Variants in VSTM1 observed in about 807,000 individuals in gnomAD.
VSTM1 encodes the protein V-set and transmembrane domain-containing protein 1.
Under a neutral mutation model 33.1 loss-of-function variants are expected in VSTM1, and 27 were observed. That is an observed-to-expected ratio of 0.82 (90% CI 0.60 to 1.12). The LOEUF is 1.12. Among genes scored for constraint, VSTM1 ranks in the 50% most tolerant of loss-of-function variants. VSTM1 has a pLI of 0.00. For synonymous variants in VSTM1, 115 were observed against 110.3 expected (o/e 1.04, Z -0.27); for missense variants, 304 against 288.9 (o/e 1.05, Z -0.38).
intron 4 of VSTM1, among the ~76,000 whole-genome samples, chr19:54,050,141 G>A (rs1041903243): frequency 2.0e-4 from 30 of 151,688 alleles, no homozygotes; most frequent in African/African-American, 6.8e-4. Context: ...TGGGAATACA[G>A]GCGCCCACCA....
chr19:54,052,301 G>T (rs1299904388), intron 3 of VSTM1, among the ~76,000 whole-genome samples: 8,154 of 116,654 alleles, frequency 0.07, 556 homozygotes, highest in Non-Finnish European at 0.079. Context: ...GGGAGGCTGA[G>T]GCAGGAGAAT....
At chr19:54,041,741 A>G (rs1369925891) in intron 8 of VSTM1, 38 bp downstream of exon 8, 2 of 1,606,384 alleles carry the variant, frequency 1.2e-6, no homozygotes, top group East Asian at 4.5e-5. Flanking sequence ...CATTGTGGTG[A>G]GGGAGCTCTT....
chr19:54,058,059 C>T (rs1395720167), intron 3 of VSTM1, among the ~76,000 whole-genome samples: 5 of 151,558 alleles, frequency 3.3e-5, no homozygotes, highest in South Asian at 2.1e-4. Flanking sequence ...GCTAACATGG[C>T]GAAACCCCAT....
In VSTM1 at chr19:54,040,838, C is replaced by A; in HGVS notation, c.*123G>T. 1 of 1,328,254 alleles carries A rather than the reference C, an allele frequency of 7.5e-7. No individual in the cohort carries two copies. 82.3% of individuals were successfully genotyped at this position (1,328,254 alleles called of 1,614,324 possible). On this transcript the variant is annotated 3_prime_UTR_variant, in exon 9 of 9. Transcript: ENST00000338372. ...AAATAAGTCAGATTTCTTTTTAAGACGAGAAACTTAATTTTATTGATATGG... is the reference window on the plus strand; with the variant it reads ...AAATAAGTCAGATTTCTTTTTAAGAAGAGAAACTTAATTTTATTGATATGG...
Position 54,041,772 on chromosome 19 carries a change from G to A in VSTM1, c.591+7C>T. ...CTCTTGTGGGACTCCTAAGCGGGAG[G>A]ACTCACCGAGAGAGATACCCTTTCC... is the stretch of plus-strand genomic sequence containing the variant. On this transcript the variant is annotated splice_region_variant and intron_variant, in intron 8 of 8. Transcript: ENST00000338372. 2 of 1,612,524 alleles carry A rather than the reference G, an allele frequency of 1.2e-6. No homozygotes were observed. Among genetic ancestry groups the A allele is most frequent in the Non-Finnish European group, 1.7e-6 (2 of 1,179,596 alleles).
chr19:54,043,612 A>G (rs1440328707), intron 4 of VSTM1, among the ~76,000 whole-genome samples: 2 of 152,102 alleles, frequency 1.3e-5, no homozygotes, highest in East Asian at 3.9e-4. Context: ...GGGTTTCGCC[A>G]TGTTGGCCAC....
intron 5 of VSTM1, 37 bp from the exon 6 acceptor site, chr19:54,042,233 A>T (rs763925750): frequency 1.2e-6 from 2 of 1,613,812 alleles, no homozygotes; most frequent in Non-Finnish European, 1.7e-6. Flanking sequence ...CTACCGAGAA[A>T]ATCCTTCACT....
chr19:54,052,507 T>G (rs1196932661), intron 3 of VSTM1, among the ~76,000 whole-genome samples: 1 of 142,454 alleles, frequency 7.0e-6, no homozygotes, highest in African/African-American at 2.6e-5. Context: ...ACTACACATA[T>G]GAGTGAGATC....
intron 3 of VSTM1, 90 bp from the exon 4 acceptor site, chr19:54,051,538 GTTC>G: frequency 4.9e-6 from 5 of 1,018,942 alleles, no homozygotes; most frequent in Non-Finnish European, 2.9e-6. Flanking sequence ...TAGACATCCT[GTTC>G]TTCTTTGGGA....
intron 4 of VSTM1, among the ~76,000 whole-genome samples, chr19:54,043,453 C>A (rs1251240255): frequency 1.3e-5 from 2 of 151,746 alleles, no homozygotes; most frequent in Admixed American, 1.3e-4. Flanking sequence ...CTCTTATCGT[C>A]CAGGCTGGAG....
At chr19:54,041,383 C>A (rs1056369179) in intron 8 of VSTM1, among the ~76,000 whole-genome samples, 2 of 151,856 alleles carry the variant, frequency 1.3e-5, no homozygotes, top group Non-Finnish European at 1.5e-5. Context: ...CTCACTGCAA[C>A]CTCCGCCTCC....
intron 4 of VSTM1, among the ~76,000 whole-genome samples, chr19:54,045,132 C>T (rs938360250): frequency 6.6e-6 from 1 of 152,178 alleles, no homozygotes; most frequent in African/African-American, 2.4e-5. Flanking sequence ...CCCATCCAGA[C>T]GCTTCCCCTA....
Position 54,058,299 on chromosome 19 carries a change from T to G in VSTM1, c.355+7A>C. On this transcript the variant is annotated splice_region_variant and intron_variant, in intron 3 of 8. Coordinates refer to ENST00000338372, the MANE Select transcript of VSTM1 (RefSeq NM_198481.4). ...TGTGCATCAAAGAGTACATCTGCCC[T>G]TCTCACCTGTGACCACCAGCTGCAA... 6.2e-7 allele frequency: 1 copy of G among 1,612,864 alleles called. No homozygotes were observed. The highest frequency in any genetic ancestry group is 2.2e-5 in the East Asian group (1 of 44,840).
intron 1 of VSTM1, among the ~76,000 whole-genome samples, chr19:54,059,059 C>CTTTTTT (rs68002308): frequency 2.9e-5 from 3 of 104,218 alleles, no homozygotes; most frequent in Non-Finnish European, 1.9e-5. Flanking sequence ...CTTCTTCTTT[C>CTTTTTT]TTTTTTTTTT....
At chr19:54,041,459 G>A (rs1030526926) in intron 8 of VSTM1, among the ~76,000 whole-genome samples, 5 of 151,840 alleles carry the variant, frequency 3.3e-5, no homozygotes, top group Non-Finnish European at 5.9e-5. Flanking sequence ...CCACTACCAC[G>A]CCCAGCTAAT....
rs535243670 is a variant in VSTM1, at chr19:54,052,702, C to A, written c.356-1254G>T. On this transcript the variant is annotated intron_variant, in intron 3 of 8. Transcript: ENST00000338372. Reference sequence around the variant, plus strand: ...TACACAATGTACAGGTGGATCAAATCATCAGATTGTATACCTTGAATATAT... The same window carrying A: ...TACACAATGTACAGGTGGATCAAATAATCAGATTGTATACCTTGAATATAT... 3.5e-5 allele frequency among the ~76,000 whole-genome samples: 5 copies of A among 142,436 alleles called. 1 individual carries two copies. The highest frequency in any genetic ancestry group is 7.7e-5 in the Non-Finnish European group (5 of 64,550). 93.4% of individuals were successfully genotyped at this position (142,436 alleles called of 152,430 possible). A position where few individuals can be genotyped will look rare whatever the true frequency, so the allele number is the denominator to read the frequency against.
Position 54,041,123 on chromosome 19 carries a change from T to C in VSTM1, c.592-43A>G, listed in dbSNP as rs371947896. 31 of 1,494,104 alleles carry C rather than the reference T, an allele frequency of 2.1e-5. No individual in the cohort carries two copies. In the African/African-American group the frequency reaches 3.8e-4, roughly 18 times the overall value. The allele number at this position is 1,494,104 out of a possible 1,614,324, so 92.6% of individuals were successfully genotyped here. A position where few individuals can be genotyped will look rare whatever the true frequency, so the allele number is the denominator to read the frequency against. ...GAATATTAGAACTGAGTGTTCAATA[T>C]GGCAGCCACTAGCCACACATGGCTA... On this transcript the variant is annotated intron_variant, in intron 8 of 8. Coordinates refer to ENST00000338372, the MANE Select transcript of VSTM1 (RefSeq NM_198481.4).
rs551404444 is a variant in VSTM1, at chr19:54,053,984, G to T, written c.356-2536C>A. Among the ~76,000 whole-genome samples, 3 of 142,088 alleles carry T rather than the reference G, an allele frequency of 2.1e-5. No individual in the cohort carries two copies. The South Asian group carries it at 6.9e-4, about 33-fold the overall frequency. The allele number at this position is 142,088 out of a possible 152,430, so 93.2% of individuals were successfully genotyped here. ...AAGTATCTGAATTTGTAGGGTGAAT[G>T]GGCAGCTATTTTTGTGCCAGGTATT... On this transcript the variant is annotated intron_variant, in intron 3 of 8. Transcript: ENST00000338372.
chr19:54,048,383 T>C, intron 4 of VSTM1: 1 of 396,488 alleles, frequency 2.5e-6, no homozygotes, highest in East Asian at 8.9e-5. Flanking sequence ...CCCAAAGTCC[T>C]GGTATTACAG....
Sources: allele counts gnomAD v4.1 joint callset (sites outside exome capture counted in the v4.1 genomes callset), GRCh38; gene constraint gnomAD v4.1.1; transcripts MANE v1.5; gene names NCBI Gene and HGNC (gene_info 2026-07-23, HGNC 2026-07-21).